Variants in CHIC2 observed in about 807,000 individuals in gnomAD.
CHIC2 encodes the protein cysteine rich hydrophobic domain 2.
CHIC2 carries 14 observed loss-of-function variants against 25.9 expected under a neutral mutation model. That is an observed-to-expected ratio of 0.54 (90% CI 0.36 to 0.85). The LOEUF (loss-of-function observed/expected upper bound fraction) is 0.85. CHIC2 is among the 40% of genes least tolerant of loss of function. The pLI, the probability that CHIC2 is intolerant of heterozygous loss-of-function variation, is 0.01. For synonymous variants in CHIC2, 70 were observed against 72.0 expected, an observed-to-expected ratio of 0.97 and a Z score of 0.14; for missense variants, 146 against 202.0, an observed-to-expected ratio of 0.72 and a Z score of 1.68.
chr4:54,044,868 T>C (rs1244881301), intron 3 of CHIC2, among the ~76,000 whole-genome samples: 2 of 152,212 alleles, frequency 1.3e-5, no homozygotes, highest in South Asian at 4.1e-4. Context: ...GAGCTGGTTT[T>C]TTGAAAAGAT....
rs528285174 is a variant in CHIC2 at position 54,014,207 on chromosome 4, G to T, written c.331-88C>A. The T allele has an allele frequency of 8.8e-6, 9 of 1,018,834 alleles. No individual in the cohort carries two copies. In the East Asian group the frequency reaches 1.8e-4, roughly 20 times the overall value. 63.1% of individuals were successfully genotyped at this position (1,018,834 alleles called of 1,614,324 possible). A position where few individuals can be genotyped will look rare whatever the true frequency, so the allele number is the denominator to read the frequency against. The stretch of plus-strand genomic sequence containing the variant: ...TGCTTTTTCTGTGAAAAGGGGAGAG[G>T]TATAAGACAGTGACTGAGTATAGTG... On this transcript the variant is annotated intron_variant, in intron 3 of 5. Transcript: ENST00000263921.
chr4:54,073,062 C>T, the CHIC2 span, among the ~76,000 whole-genome samples: 8 of 151,042 alleles, frequency 5.3e-5, no homozygotes, highest in Admixed American at 6.6e-5. Flanking sequence ...AGCGAGACTC[C>T]GTCTAAAAAA....
At chr4:54,058,092 T>TA (rs1198457878) in intron 1 of CHIC2, among the ~76,000 whole-genome samples, 1 of 152,194 alleles carries the variant, frequency 6.6e-6, no homozygotes, top group Non-Finnish European at 1.5e-5. Flanking sequence ...TCTAGTCAAT[T>TA]AGATAATTCT....
chr4:54,041,348 T>G (rs1716572316), intron 3 of CHIC2, among the ~76,000 whole-genome samples: 1 of 152,088 alleles, frequency 6.6e-6, no homozygotes. Flanking sequence ...CTGGCAATTT[T>G]TTATACTCAT....
In CHIC2 at chr4:54,064,555, A is replaced by G. The variant is rs1273700541; in HGVS notation, c.-255T>C. ...CATCCGCCCAGAGGCCGACACCTCCACAAGCACAGACGCCGCTGCCGCCGC... is the reference window on the plus strand; with the variant it reads ...CATCCGCCCAGAGGCCGACACCTCCGCAAGCACAGACGCCGCTGCCGCCGC... On this transcript the variant is annotated 5_prime_UTR_variant, in exon 1 of 6. Transcript: ENST00000263921. The surrounding 1 kb of genome is among the most constrained non-coding windows in gnomAD (Gnocchi z 4.2). 5.8e-5 allele frequency: 76 copies of G among 1,311,076 alleles called. No individual in the cohort carries two copies. The highest frequency in any genetic ancestry group is 5.7e-5 in the Non-Finnish European group (59 of 1,032,682). The allele number at this position is 1,311,076 out of a possible 1,614,324, so 81.2% of individuals were successfully genotyped here. A position where few individuals can be genotyped will look rare whatever the true frequency, so the allele number is the denominator to read the frequency against.
At chr4:54,062,844 A>G (rs1007434007) in intron 1 of CHIC2, among the ~76,000 whole-genome samples, 1 of 152,226 alleles carries the variant, frequency 6.6e-6, no homozygotes, top group African/African-American at 2.4e-5. Context: ...TCTGTGATAT[A>G]TGTTAAAAGT....
At chr4:54,013,733 G>T in intron 5 of CHIC2, 104 bp downstream of exon 5, 1 of 1,118,746 alleles carries the variant, frequency 8.9e-7, no homozygotes. Flanking sequence ...AGGAGATTAA[G>T]CTCCTGACAC....
chr4:54,085,815 T>A, the CHIC2 span, among the ~76,000 whole-genome samples: 1 of 152,176 alleles, frequency 6.6e-6, no homozygotes. Flanking sequence ...TTTCCTCATT[T>A]AGCCAGGAGG....
intron 3 of CHIC2, among the ~76,000 whole-genome samples, chr4:54,027,365 G>A (rs532999061): frequency 6.6e-6 from 1 of 152,210 alleles, no homozygotes; most frequent in African/African-American, 2.4e-5. Context: ...ACATTTTTAT[G>A]AGTATCCTCT....
rs138410712 is a variant in CHIC2, at chr4:54,058,068, G to C, written c.119+6114C>G. Among the ~76,000 whole-genome samples the C allele has an allele frequency of 8.6e-3, 1,306 of 152,258 alleles. 39 individuals carry two copies. The highest frequency in any genetic ancestry group is 0.053 in the Admixed American group (812 of 15,298). The stretch of plus-strand genomic sequence containing the variant: ...GTGTATCAATCTGATAGCCGCTTTT[G>C]ATTAAATGATTCCTCTAGTCAATTA... On this transcript the variant is annotated intron_variant, in intron 1 of 5. Transcript: ENST00000263921.
chr4:54,052,866 A>C (rs1170324682), intron 1 of CHIC2, among the ~76,000 whole-genome samples: 1 of 152,204 alleles, frequency 6.6e-6, no homozygotes, highest in East Asian at 1.9e-4. Context: ...ATATTACCTA[A>C]AAAATAACTT....
At chr4:54,040,118 A>C (rs1040454676) in intron 3 of CHIC2, among the ~76,000 whole-genome samples, 1 of 152,224 alleles carries the variant, frequency 6.6e-6, no homozygotes, top group Non-Finnish European at 1.5e-5. Flanking sequence ...ACTGTTATGT[A>C]TCTTGATTCT....
upstream of CHIC2, chr4:54,064,722 C>G (rs2110098100): frequency 1.1e-6 from 1 of 903,426 alleles, no homozygotes; most frequent in East Asian, 9.0e-5. The surrounding 1 kb of genome is among the most constrained non-coding windows in gnomAD (Gnocchi z 4.2). Context: ...GACTGGCTGG[C>G]GGGCGGGCGG....
the CHIC2 span, chr4:54,087,403 G>C: frequency 3.6e-6 from 2 of 562,162 alleles, no homozygotes; most frequent in Non-Finnish European, 6.3e-6. Flanking sequence ...TTCTAAAGGA[G>C]TATGCAAATT....
chr4:54,077,496 C>A, the CHIC2 span, among the ~76,000 whole-genome samples: 1 of 152,168 alleles, frequency 6.6e-6, no homozygotes, highest in East Asian at 1.9e-4. Context: ...AGTTCAATGG[C>A]TGAACTGGAA....
chr4:54,073,904 C>T, the CHIC2 span, among the ~76,000 whole-genome samples: 1 of 152,080 alleles, frequency 6.6e-6, no homozygotes, highest in Non-Finnish European at 1.5e-5. Flanking sequence ...TGTCTGTAAT[C>T]CCAGCACTTT....
At chr4:54,050,800 TG>T (rs1167843347) in intron 1 of CHIC2, among the ~76,000 whole-genome samples, 1 of 152,108 alleles carries the variant, frequency 6.6e-6, no homozygotes, top group Admixed American at 6.5e-5. Context: ...ACACACTCTG[TG>T]ATGTCTGCAC....
At chr4:54,022,360 G>A (rs544301816) in intron 3 of CHIC2, among the ~76,000 whole-genome samples, 28 of 152,082 alleles carry the variant, frequency 1.8e-4, no homozygotes, top group South Asian at 4.2e-4. Flanking sequence ...GGGTAAGTCC[G>A]TCTCCTTCTA....
intron 3 of CHIC2, among the ~76,000 whole-genome samples, chr4:54,046,527 T>A (rs1230446321): frequency 1.3e-5 from 2 of 152,046 alleles, no homozygotes; most frequent in East Asian, 1.9e-4. Flanking sequence ...TTGACAAACC[T>A]GACAAAAACA....
Sources: allele counts gnomAD v4.1 joint callset (sites outside exome capture counted in the v4.1 genomes callset), GRCh38; gene constraint gnomAD v4.1.1; non-coding constraint Gnocchi (gnomAD v3.1); transcripts MANE v1.5; gene names NCBI Gene and HGNC (gene_info 2026-07-23, HGNC 2026-07-21).